MATCAP2: variants seen among roughly 807,000 people sequenced by gnomAD.
MATCAP2 encodes microtubule associated tyrosine carboxypeptidase 2, also known as putative tyrosine carboxypeptidase MATCAP2.
the MATCAP2 span, among the ~76,000 whole-genome samples, chr7:36,359,695 T>C: frequency 6.6e-6 from 1 of 152,198 alleles, no homozygotes; most frequent in Non-Finnish European, 1.5e-5. Context: ...CAAAATTAAC[T>C]GGACAAATAA....
chr7:36,373,036 C>T, the MATCAP2 span, among the ~76,000 whole-genome samples: 8 of 144,790 alleles, frequency 5.5e-5, no homozygotes, highest in Non-Finnish European at 1.2e-4. Flanking sequence ...ATCCCAGGGG[C>T]GGAGGTTGCA....
chr7:36,369,511 T>C, the MATCAP2 span, among the ~76,000 whole-genome samples: 5 of 152,206 alleles, frequency 3.3e-5, no homozygotes, highest in East Asian at 9.6e-4. Flanking sequence ...TTAAGAGCTA[T>C]TTCTCAAAAA....
At chr7:36,344,494 T>G in the MATCAP2 span, among the ~76,000 whole-genome samples, 3 of 152,192 alleles carry the variant, frequency 2.0e-5, no homozygotes, top group Non-Finnish European at 4.4e-5. Flanking sequence ...ATGGGATTCT[T>G]ATTCTCCACA....
chr7:36,342,339 C>T, the MATCAP2 span, among the ~76,000 whole-genome samples: 1 of 151,854 alleles, frequency 6.6e-6, no homozygotes, highest in Non-Finnish European at 1.5e-5. Flanking sequence ...GCCACCATGC[C>T]CAGCTAATTT....
At chr7:36,389,933 T>C in the MATCAP2 span, 1 of 1,608,942 alleles carries the variant, frequency 6.2e-7, no homozygotes, top group South Asian at 1.1e-5. Flanking sequence ...AGACTCCTGG[T>C]TTTTTCCAGG....
At chr7:36,326,184 A>C in the MATCAP2 span, 2 of 152,152 alleles carry the variant, frequency 1.3e-5, no homozygotes, top group Admixed American at 6.6e-5. Flanking sequence ...ATAAGGTGAA[A>C]CAATAATGTT....
chr7:36,346,922 G>A, the MATCAP2 span, among the ~76,000 whole-genome samples: 1 of 152,160 alleles, frequency 6.6e-6, no homozygotes, highest in East Asian at 1.9e-4. Flanking sequence ...CACCACACTA[G>A]GCTAATTTTT....
chr7:36,361,449 A>G, the MATCAP2 span, among the ~76,000 whole-genome samples: 1 of 152,218 alleles, frequency 6.6e-6, no homozygotes. Flanking sequence ...CGTATGGTTC[A>G]CTAATACTTA....
the MATCAP2 span, among the ~76,000 whole-genome samples, chr7:36,344,378 TATG>T: frequency 2.0e-5 from 3 of 152,244 alleles, no homozygotes; most frequent in African/African-American, 7.2e-5. Flanking sequence ...AGAAAATGTT[TATG>T]ATAAGTAAGT....
the MATCAP2 span, among the ~76,000 whole-genome samples, chr7:36,379,817 C>T: frequency 3.7e-5 from 2 of 54,176 alleles, no homozygotes; most frequent in Non-Finnish European, 9.2e-5. Context: ...GGTAAGTACA[C>T]ACACACACAC....
At chr7:36,329,186 T>C in the MATCAP2 span, among the ~76,000 whole-genome samples, 2 of 152,234 alleles carry the variant, frequency 1.3e-5, no homozygotes, top group Non-Finnish European at 2.9e-5. Flanking sequence ...TTTGTTGATA[T>C]TGGTATGGTT....
the MATCAP2 span, among the ~76,000 whole-genome samples, chr7:36,340,562 A>G: frequency 6.6e-6 from 1 of 152,240 alleles, no homozygotes; most frequent in Admixed American, 6.5e-5. Flanking sequence ...TTTAAATATT[A>G]CATTATATTC....
At chr7:36,327,926 G>A in the MATCAP2 span, among the ~76,000 whole-genome samples, 6 of 152,196 alleles carry the variant, frequency 3.9e-5, no homozygotes, top group Admixed American at 3.9e-4. Context: ...TTTGTGATTT[G>A]TATTACATCT....
chr7:36,383,947 T>G, the MATCAP2 span: 5 of 1,449,088 alleles, frequency 3.5e-6, no homozygotes, highest in East Asian at 1.2e-4. Flanking sequence ...ATAAAAAGAT[T>G]TGTGTTATTG....
At chr7:36,358,525 T>C in the MATCAP2 span, among the ~76,000 whole-genome samples, 1 of 152,208 alleles carries the variant, frequency 6.6e-6, no homozygotes, top group South Asian at 2.1e-4. Context: ...CAAATTTTAA[T>C]AACTATTACA....
the MATCAP2 span, among the ~76,000 whole-genome samples, chr7:36,353,672 G>C: frequency 6.6e-6 from 1 of 151,842 alleles, no homozygotes; most frequent in Non-Finnish European, 1.5e-5. Flanking sequence ...GTAGAGACGG[G>C]GTTTCACCAT....
At chr7:36,364,990 G>A in the MATCAP2 span, among the ~76,000 whole-genome samples, 1 of 152,224 alleles carries the variant, frequency 6.6e-6, no homozygotes, top group South Asian at 2.1e-4. Flanking sequence ...ATACAGGGTT[G>A]GATTCATAAA....
At chr7:36,339,102 G>A in the MATCAP2 span, among the ~76,000 whole-genome samples, 3 of 152,066 alleles carry the variant, frequency 2.0e-5, no homozygotes, top group African/African-American at 7.2e-5. Flanking sequence ...TCAGGCCATG[G>A]TCCTTCATAT....
At chr7:36,379,839 CACACACACAGAGAG>C in the MATCAP2 span, among the ~76,000 whole-genome samples, 3 of 131,496 alleles carry the variant, frequency 2.3e-5, no homozygotes, top group South Asian at 2.7e-4. Context: ...CACACACACA[CACACACACAGAGAG>C]AGAGAGAGAG....
Sources: allele counts gnomAD v4.1 joint callset (sites outside exome capture counted in the v4.1 genomes callset), GRCh38; gene constraint gnomAD v4.1.1; transcripts MANE v1.5; gene names NCBI Gene and HGNC (gene_info 2026-07-23, HGNC 2026-07-21).